The following RAB6B variants were observed in gnomAD, a reference collection of about 807,000 sequenced individuals.
RAB6B encodes the protein ras-related protein Rab-6B.
A neutral mutation model predicts 31.2 loss-of-function variants in RAB6B; 7 were observed. The observed-to-expected ratio is 0.22, with a 90% CI of 0.13 to 0.42. The LOEUF (loss-of-function observed/expected upper bound fraction) is 0.42, where lower values mean the gene tolerates loss of function less well. Ranked by LOEUF, RAB6B falls within the 10% of genes least tolerant of loss-of-function variation. The pLI is 1.00. For synonymous variants in RAB6B, 105 were observed against 104.9 expected (o/e 1.00, Z -0.01); for missense variants, 149 against 280.6 (o/e 0.53, Z 3.35).
chr3:133,880,978 G>A (rs1245351978), intron 1 of RAB6B, among the ~76,000 whole-genome samples: 1 of 152,196 alleles, frequency 6.6e-6, no homozygotes, highest in African/African-American at 2.4e-5. Flanking sequence ...CTGGACCCGG[G>A]AGTAGGCACA....
At chr3:133,838,560 T>G (rs150321335) in intron 5 of RAB6B, among the ~76,000 whole-genome samples, 1 of 152,190 alleles carries the variant, frequency 6.6e-6, no homozygotes, top group Non-Finnish European at 1.5e-5. Flanking sequence ...TAGTCACTAC[T>G]GCAGAGCCTG....
chr3:133,871,092 G>A (rs192095840), intron 1 of RAB6B, among the ~76,000 whole-genome samples: 1 of 152,350 alleles, frequency 6.6e-6, no homozygotes, highest in African/African-American at 2.4e-5. Flanking sequence ...TAGCTGCAGA[G>A]GCCAGTGAGG....
Position 133,828,576 on chromosome 3 carries a change from C to CA in RAB6B, c.*211dup. 2 of 629,762 alleles carry CA rather than the reference C, an allele frequency of 3.2e-6. No individual in the cohort carries two copies. Among genetic ancestry groups the CA allele is most frequent in the South Asian group, 1.9e-5 (1 of 52,862 alleles). The allele number at this position is 629,762 out of a possible 1,614,324, so 39.0% of individuals were successfully genotyped here. A position where few individuals can be genotyped will look rare whatever the true frequency, so the allele number is the denominator to read the frequency against. ...AAAGTACAATATATTACAACCAAAC[C>CA]AAAAAATAGTTGTTTAAGTAACAGC... On this transcript the variant is annotated 3_prime_UTR_variant, in exon 8 of 8. Coordinates refer to ENST00000285208, the MANE Select transcript of RAB6B (RefSeq NM_016577.4).
intron 4 of RAB6B, among the ~76,000 whole-genome samples, chr3:133,839,958 G>C (rs1381302850): frequency 6.6e-6 from 1 of 152,096 alleles, no homozygotes; most frequent in Non-Finnish European, 1.5e-5. Flanking sequence ...AGAGTGGAGA[G>C]TGAGAACTGG....
chr3:133,871,161 C>T (rs1559910153), intron 1 of RAB6B, among the ~76,000 whole-genome samples: 1 of 152,268 alleles, frequency 6.6e-6, no homozygotes, highest in Non-Finnish European at 1.5e-5. Context: ...TCCTGTTGTG[C>T]AGGGCACAGA....
intron 2 of RAB6B, among the ~76,000 whole-genome samples, chr3:133,858,706 C>T (rs1366705223): frequency 1.3e-5 from 2 of 152,182 alleles, no homozygotes; most frequent in Non-Finnish European, 2.9e-5. Context: ...AACTTCGATG[C>T]AGGAATTTTG....
intron 2 of RAB6B, among the ~76,000 whole-genome samples, chr3:133,860,474 T>A (rs1330835072): frequency 3.3e-5 from 5 of 152,186 alleles, no homozygotes; most frequent in African/African-American, 1.2e-4. Context: ...ATTTTGGACT[T>A]CAACCTCCAG....
At position 133,895,495 on chromosome 3, in the gene RAB6B, G is replaced by T; in HGVS notation, c.-29C>A. ...GCTGGCAGCCGGGGCCGGGAGAGGA[G>T]GAGGAGGAAAAAGCGAAGGAGCAGG... On this transcript the variant is annotated 5_prime_UTR_variant, in exon 1 of 8. Transcript: ENST00000285208. The T allele has an allele frequency of 6.2e-7, 1 of 1,609,028 alleles. No homozygotes were observed. Among genetic ancestry groups the T allele is most frequent in the South Asian group, 1.1e-5 (1 of 90,368 alleles).
In RAB6B at chr3:133,834,624, C is replaced by T. The variant is rs370450177; in HGVS notation, c.513G>A (p.Ala171=). ...YNVKQLFRRV[A]SALPGMENVQ... is the part of the protein sequence containing the mutation. ...CATTCTCCATTCCGGGTAGAGCCGA[C>T]GCCACACGTCGAAAAAGCTGGAAAG... Residue 171 remains alanine, a synonymous_variant, in exon 7 of 8, where the codon GCG becomes GCA. Transcript: ENST00000285208. 142 of 1,614,000 alleles carry T rather than the reference C, an allele frequency of 8.8e-5. No homozygotes were observed. The highest frequency in any genetic ancestry group is 1.5e-4 in the South Asian group (14 of 91,082).
chr3:133,870,337 G>T (rs1357774722), intron 1 of RAB6B, among the ~76,000 whole-genome samples: 1 of 152,146 alleles, frequency 6.6e-6, no homozygotes, highest in East Asian at 1.9e-4. Flanking sequence ...ACCTCCACCT[G>T]GTCCTGTCCT....
chr3:133,882,015 A>T (rs1936472868), intron 1 of RAB6B, among the ~76,000 whole-genome samples: 1 of 152,212 alleles, frequency 6.6e-6, no homozygotes. Context: ...AGCATGTCAC[A>T]AGGATGTAAT....
intron 1 of RAB6B, among the ~76,000 whole-genome samples, chr3:133,886,243 T>C (rs1936545964): frequency 6.6e-6 from 1 of 152,158 alleles, no homozygotes; most frequent in Non-Finnish European, 1.5e-5. Flanking sequence ...CAAAACCTCC[T>C]CCAGAAAGCC....
intron 7 of RAB6B, among the ~76,000 whole-genome samples, chr3:133,832,122 G>A (rs1403778461): frequency 2.0e-5 from 3 of 152,166 alleles, no homozygotes; most frequent in Non-Finnish European, 4.4e-5. Context: ...CCACACTACT[G>A]CTCTTTCTTT....
intron 1 of RAB6B, among the ~76,000 whole-genome samples, chr3:133,877,860 G>A (rs990875736): frequency 3.3e-5 from 5 of 150,582 alleles, no homozygotes; most frequent in South Asian, 4.2e-4. Flanking sequence ...GAAGTTACAC[G>A]GGGTAAAAAA....
rs188476918 is a variant in RAB6B, at chr3:133,871,288, G to A, written c.71-6646C>T. ...GCAATACGGGAAGGGTCTCCTGAGA[G>A]GCCCATGCAAGGAAAGGCCGCTCTG... On this transcript the variant is annotated intron_variant, in intron 1 of 7. Coordinates refer to ENST00000285208, the MANE Select transcript of RAB6B (RefSeq NM_016577.4). 1.1e-3 allele frequency among the ~76,000 whole-genome samples: 163 copies of A among 152,318 alleles called. 2 individuals are homozygous for A. The highest frequency in any genetic ancestry group is 3.6e-3 in the African/African-American group (149 of 41,570).
intron 7 of RAB6B, among the ~76,000 whole-genome samples, chr3:133,833,615 CT>C (rs1935688646): frequency 6.6e-6 from 1 of 152,202 alleles, no homozygotes; most frequent in South Asian, 2.1e-4. Flanking sequence ...GCTTCTTTTG[CT>C]TTTGATTCTC....
rs78440507 is a variant in RAB6B, at chr3:133,876,438, G to A, written c.71-11796C>T. 7.2e-3 allele frequency among the ~76,000 whole-genome samples: 1,098 copies of A among 152,250 alleles called. 13 individuals are homozygous for A. Among genetic ancestry groups the A allele is most frequent in the African/African-American group, 0.025 (1,056 of 41,526 alleles). On this transcript the variant is annotated intron_variant, in intron 1 of 7. Transcript: ENST00000285208. ...CATTCACTGCTTGCTCAAATCTGCT[G>A]TATAGAGAGAGTTTCTCTCTCTTAT...
At chr3:133,860,241 G>C (rs191071652) in intron 2 of RAB6B, among the ~76,000 whole-genome samples, 1 of 152,184 alleles carries the variant, frequency 6.6e-6, no homozygotes, top group African/African-American at 2.4e-5. Context: ...GATTAATTAA[G>C]GATCTTGAGA....
chr3:133,884,499 CA>C (rs1468457052), intron 1 of RAB6B, among the ~76,000 whole-genome samples: 4 of 152,244 alleles, frequency 2.6e-5, no homozygotes, highest in African/African-American at 9.6e-5. Context: ...TGCTCTCTCT[CA>C]AGTCCTTGGG....
Sources: allele counts gnomAD v4.1 joint callset (sites outside exome capture counted in the v4.1 genomes callset), GRCh38; gene constraint gnomAD v4.1.1; transcripts MANE v1.5; gene names NCBI Gene and HGNC (gene_info 2026-07-23, HGNC 2026-07-21).